The following ARSJ variants were observed in gnomAD, a reference collection of about 807,000 sequenced individuals.
ARSJ encodes arylsulfatase family member J, also known as arylsulfatase J.
A neutral mutation model predicts 35.9 loss-of-function variants in ARSJ; 26 were observed. The ratio of observed to expected loss-of-function variants is 0.72; its 90% confidence interval spans 0.53 to 1.00. The LOEUF (loss-of-function observed/expected upper bound fraction) is 1.00, where lower values mean the gene tolerates loss of function less well. ARSJ is among the 50% of genes least tolerant of loss of function. ARSJ has a pLI of 0.00. For synonymous variants in ARSJ, 294 were observed against 267.6 expected (o/e 1.10, Z -0.96); for missense variants, 667 against 723.6 (o/e 0.92, Z 0.90).
At chr4:113,916,111 ATATTT>A (rs1723280020) in intron 1 of ARSJ, among the ~76,000 whole-genome samples, 1 of 152,186 alleles carries the variant, frequency 6.6e-6, no homozygotes. Context: ...GAGAAAATGA[ATATTT>A]TATATTTGTT....
chr4:113,932,264 T>C (rs1231675924), intron 1 of ARSJ, among the ~76,000 whole-genome samples: 2 of 152,006 alleles, frequency 1.3e-5, no homozygotes, highest in African/African-American at 4.8e-5. Flanking sequence ...AATGTAATCA[T>C]AGTAGCGAAC....
chr4:113,911,761 A>T (rs1202401808), intron 1 of ARSJ, among the ~76,000 whole-genome samples: 2 of 152,168 alleles, frequency 1.3e-5, no homozygotes, highest in African/African-American at 4.8e-5. Context: ...ATCCACTTGG[A>T]AATGTATAGG....
chr4:113,908,340 T>C (rs1381062632), intron 1 of ARSJ, among the ~76,000 whole-genome samples: 1 of 152,234 alleles, frequency 6.6e-6, no homozygotes, highest in African/African-American at 2.4e-5. Flanking sequence ...ACGTTGGCTC[T>C]TAACTCTTAA....
In ARSJ at chr4:113,902,881, A is replaced by G; in HGVS notation, c.1193T>C (p.Leu398Pro). Reference protein sequence around the residue: ...AEGQIDEDIQLDGYDIWETIS... With the variant: ...AEGQIDEDIQPDGYDIWETIS... ...GGTCTCCCAGATATCATAGCCATCT[A>G]GTTGAATGTCCTCATCAATCTGTCC... Residue 398 changes from leucine to proline, a missense_variant, in exon 2 of 2, where the codon CTA (leucine) becomes CCA (proline). By Grantham distance (98) the Leu-to-Pro change is moderately conservative. Coordinates refer to ENST00000315366, the MANE Select transcript of ARSJ (RefSeq NM_024590.4). The G allele has an allele frequency of 3.1e-6, 5 of 1,614,126 alleles. No individual in the cohort carries two copies. Among genetic ancestry groups the G allele is most frequent in the Non-Finnish European group, 4.2e-6 (5 of 1,180,020 alleles).
In ARSJ at chr4:113,973,992, A is replaced by G. The variant is rs34118877; in HGVS notation, c.398+4445T>C. Among the ~76,000 whole-genome samples, 109 of 152,218 alleles carry G rather than the reference A, an allele frequency of 7.2e-4. 1 individual carries two copies. Among genetic ancestry groups the G allele is most frequent in the Non-Finnish European group, 1.4e-3 (95 of 67,984 alleles). On this transcript the variant is annotated intron_variant, in intron 1 of 1. Transcript: ENST00000315366. ...GGAAAAGTGCAGAAACAGATCAAAC[A>G]TGTGCATTCATCTGATTTATGAAAA...
At chr4:113,975,629 A>C (rs1217962535) in intron 1 of ARSJ, among the ~76,000 whole-genome samples, 1 of 152,146 alleles carries the variant, frequency 6.6e-6, no homozygotes, top group Non-Finnish European at 1.5e-5. Flanking sequence ...CTACATCACT[A>C]CCCCTCTTAG....
At chr4:113,940,274 T>C (rs1725063135) in intron 1 of ARSJ, among the ~76,000 whole-genome samples, 2 of 152,044 alleles carry the variant, frequency 1.3e-5, no homozygotes, top group Admixed American at 6.6e-5. Context: ...ATAAAGAAAA[T>C]GTGGTACATA....
At chr4:113,909,320 C>G (rs955952155) in intron 1 of ARSJ, among the ~76,000 whole-genome samples, 9 of 152,096 alleles carry the variant, frequency 5.9e-5, no homozygotes, top group East Asian at 1.9e-4. Context: ...AGAAAATAAA[C>G]AAACAAAAAA....
intron 1 of ARSJ, among the ~76,000 whole-genome samples, chr4:113,923,084 C>G (rs956552595): frequency 2.6e-5 from 4 of 152,148 alleles, no homozygotes; most frequent in African/African-American, 9.7e-5. Flanking sequence ...AGGACTTGCA[C>G]TGCTGCATTG....
intron 1 of ARSJ, among the ~76,000 whole-genome samples, chr4:113,905,560 T>C (rs2099668441): frequency 6.6e-6 from 1 of 152,010 alleles, no homozygotes; most frequent in South Asian, 2.1e-4. Flanking sequence ...GCAATAGTCA[T>C]GATTGTGGTA....
rs112413266 is a variant in ARSJ, at chr4:113,976,073, T to C, written c.398+2364A>G. 8.4e-3 allele frequency among the ~76,000 whole-genome samples: 1,282 copies of C among 152,298 alleles called. 13 individuals are homozygous for C. Among genetic ancestry groups the C allele is most frequent in the African/African-American group, 0.029 (1,203 of 41,558 alleles). On this transcript the variant is annotated intron_variant, in intron 1 of 1. Transcript: ENST00000315366. ...AATCAATATTGCCAGACTAGTATGA[T>C]GTAAATTATTAAGGGAATCTGCAAT... is the stretch of plus-strand genomic sequence containing the variant.
chr4:113,944,383 A>T (rs1725346377), intron 1 of ARSJ: 1 of 152,054 alleles, frequency 6.6e-6, no homozygotes. Flanking sequence ...TTAATCTCAT[A>T]GTTCCCTGTC....
intron 1 of ARSJ, among the ~76,000 whole-genome samples, chr4:113,926,972 C>T (rs751719210): frequency 7.9e-5 from 12 of 152,164 alleles, no homozygotes; most frequent in Non-Finnish European, 1.8e-4. Context: ...CCTCAAACTC[C>T]ATTGAATCTG....
rs531559508 is a variant in ARSJ at position 113,978,431 on chromosome 4, A to G, written c.398+6T>C. ...AGGAATAAATATAAGAAGTAGGAAC[A>G]CTTACTTTCCAGTAATAAACTGACT... On this transcript the variant is annotated splice_donor_region_variant and intron_variant, in intron 1 of 1. Coordinates refer to ENST00000315366, the MANE Select transcript of ARSJ (RefSeq NM_024590.4). 2 of 1,575,722 alleles carry G rather than the reference A, an allele frequency of 1.3e-6. No individual in the cohort carries two copies. The highest frequency in any genetic ancestry group is 1.7e-6 in the Non-Finnish European group (2 of 1,161,918).
At chr4:113,920,551 C>T (rs1393875770) in intron 1 of ARSJ, among the ~76,000 whole-genome samples, 2 of 152,134 alleles carry the variant, frequency 1.3e-5, no homozygotes, top group African/African-American at 2.4e-5. Flanking sequence ...TTCTAACATT[C>T]TCTAAGTCAA....
chr4:113,917,760 T>A (rs1723408694), intron 1 of ARSJ, among the ~76,000 whole-genome samples: 1 of 152,174 alleles, frequency 6.6e-6, no homozygotes, highest in Admixed American at 6.6e-5. Context: ...ATGCATCCTT[T>A]ATATTAGGTT....
chr4:113,941,583 A>G (rs966844973), intron 1 of ARSJ, among the ~76,000 whole-genome samples: 8 of 152,026 alleles, frequency 5.3e-5, no homozygotes, highest in Non-Finnish European at 1.0e-4. Flanking sequence ...TGTGCTGTTA[A>G]AAATTACAAA....
At chr4:113,923,120 C>T (rs1016177183) in intron 1 of ARSJ, among the ~76,000 whole-genome samples, 3 of 152,132 alleles carry the variant, frequency 2.0e-5, no homozygotes, top group Admixed American at 6.5e-5. Context: ...GGGTCTCCAG[C>T]CTGCAGGCCT....
chr4:113,922,539 C>T (rs956744991), intron 1 of ARSJ, among the ~76,000 whole-genome samples: 12 of 152,138 alleles, frequency 7.9e-5, no homozygotes, highest in Non-Finnish European at 4.4e-5. Context: ...TCAACTCTGA[C>T]CAATCACTGT....
Sources: allele counts gnomAD v4.1 joint callset (sites outside exome capture counted in the v4.1 genomes callset), GRCh38; gene constraint gnomAD v4.1.1; transcripts MANE v1.5; gene names NCBI Gene and HGNC (gene_info 2026-07-23, HGNC 2026-07-21).